GRM8: variants seen among roughly 807,000 people sequenced by gnomAD.
GRM8 encodes the protein glutamate metabotropic receptor 8.
Under a neutral mutation model 87.2 loss-of-function variants are expected in GRM8, and 47 were observed. The observed-to-expected ratio is 0.54, with a 90% CI of 0.43 to 0.69. The LOEUF is 0.69. Ranked by LOEUF, GRM8 falls within the 30% of genes least tolerant of loss-of-function variation. The pLI is 0.00. For missense variants in GRM8, 1,019 were observed against 1,139.2 expected (o/e 0.89, Z 1.52); for synonymous variants, 396 against 404.5 (o/e 0.98, Z 0.25).
At position 126,440,500 on chromosome 7, in the gene GRM8, G is replaced by A. The variant is rs138932771; in HGVS notation, c.2678-1332C>T. Among the ~76,000 whole-genome samples the A allele has an allele frequency of 4.6e-5, 7 of 151,504 alleles. No homozygotes were observed. The East Asian group carries it at 1.2e-3, about 25-fold the overall frequency. ...CCACTCATTCACTTAAAGATCCAGG[G>A]CAACTTCTAGTCCTACAAGCTCCAT... On this transcript the variant is annotated intron_variant, in intron 10 of 10. Coordinates refer to ENST00000339582, the MANE Select transcript of GRM8 (RefSeq NM_000845.3).
chr7:126,642,137 C>T (rs1003259565), intron 7 of GRM8, among the ~76,000 whole-genome samples: 1 of 152,136 alleles, frequency 6.6e-6, no homozygotes, highest in African/African-American at 2.4e-5. Context: ...GTTACTATAT[C>T]TCATTAGTCT....
At chr7:127,034,996 G>A (rs2237781) in intron 3 of GRM8, among the ~76,000 whole-genome samples, 8,492 of 152,170 alleles carry the variant, frequency 0.056, 285 homozygotes, top group South Asian at 0.13. Context: ...GGTCATAAAC[G>A]AAAGCAGCTC....
intron 6 of GRM8, among the ~76,000 whole-genome samples, chr7:126,825,877 C>A (rs958457790): frequency 5.3e-5 from 8 of 150,338 alleles, no homozygotes; most frequent in Admixed American, 2.7e-4. Context: ...CACCTCCCCC[C>A]ACCCCACAAC....
At chr7:126,756,788 C>T (rs1464251249) in intron 7 of GRM8, among the ~76,000 whole-genome samples, 3 of 152,020 alleles carry the variant, frequency 2.0e-5, no homozygotes, top group African/African-American at 7.2e-5. Context: ...GGATAGAGGA[C>T]TTTTAGGTCA....
At chr7:127,185,326 G>A (rs949393462) in intron 2 of GRM8, among the ~76,000 whole-genome samples, 12 of 151,878 alleles carry the variant, frequency 7.9e-5, no homozygotes, top group African/African-American at 2.7e-4. Flanking sequence ...ATAATCAACT[G>A]CTCTTTGACA....
chr7:127,245,275 G>A lies in GRM8; in HGVS notation c.-311-1760C>T, dbSNP rs141002185. Among the ~76,000 whole-genome samples, 1,040 of 152,344 alleles carry A rather than the reference G, an allele frequency of 6.8e-3. 11 individuals are homozygous for A. The highest frequency in any genetic ancestry group is 0.019 in the South Asian group (93 of 4,822). Reference sequence around the variant, plus strand: ...AAAACCTCATTAACTCTGATCACTAGTTGAGAATTTGAGACCAATTCCACG... The same window carrying A: ...AAAACCTCATTAACTCTGATCACTAATTGAGAATTTGAGACCAATTCCACG... On this transcript the variant is annotated intron_variant, in intron 1 of 10. Coordinates refer to ENST00000339582, the MANE Select transcript of GRM8 (RefSeq NM_000845.3).
intron 7 of GRM8, among the ~76,000 whole-genome samples, chr7:126,743,231 A>G (rs1815216704): frequency 6.6e-6 from 1 of 152,170 alleles, no homozygotes; most frequent in Non-Finnish European, 1.5e-5. Flanking sequence ...GAAAGGATAC[A>G]ACTGATTGGC....
chr7:127,045,012 G>A (rs1818794133), intron 3 of GRM8, among the ~76,000 whole-genome samples: 1 of 152,024 alleles, frequency 6.6e-6, no homozygotes, highest in African/African-American at 2.4e-5. Context: ...TTTCTCCTCA[G>A]AAACAGCCAC....
chr7:127,194,646 C>T (rs1273253358), intron 2 of GRM8, among the ~76,000 whole-genome samples: 1 of 152,068 alleles, frequency 6.6e-6, no homozygotes, highest in Non-Finnish European at 1.5e-5. Flanking sequence ...AATGTTTAAT[C>T]CGTAAGAAGT....
At chr7:126,748,182 A>G (rs1485388880) in intron 7 of GRM8, among the ~76,000 whole-genome samples, 1 of 152,084 alleles carries the variant, frequency 6.6e-6, no homozygotes, top group Non-Finnish European at 1.5e-5. Context: ...TAGGAAGAAG[A>G]ATTAAACATC....
At chr7:126,599,434 A>G (rs923896070) in intron 8 of GRM8, among the ~76,000 whole-genome samples, 10 of 152,096 alleles carry the variant, frequency 6.6e-5, no homozygotes, top group African/African-American at 2.4e-4. Flanking sequence ...TGTAAAGATA[A>G]CAGTGCTTTA....
At chr7:126,542,513 A>T (rs145442480) in intron 8 of GRM8, among the ~76,000 whole-genome samples, 2 of 152,342 alleles carry the variant, frequency 1.3e-5, no homozygotes, top group African/African-American at 4.8e-5. Context: ...GGGAGGTGAG[A>T]CTGCCTTGAA....
intron 8 of GRM8, among the ~76,000 whole-genome samples, chr7:126,606,528 G>T (rs893740186): frequency 2.6e-5 from 4 of 152,098 alleles, no homozygotes; most frequent in Non-Finnish European, 5.9e-5. Context: ...TTGGTAGCTT[G>T]CCAAGCACTC....
chr7:126,608,915 C>A (rs1423199253), intron 8 of GRM8, among the ~76,000 whole-genome samples: 1 of 152,084 alleles, frequency 6.6e-6, no homozygotes, highest in Non-Finnish European at 1.5e-5. Flanking sequence ...AAGCACCCAC[C>A]ACCACCCCTG....
chr7:126,989,086 C>G (rs971740526), intron 3 of GRM8, among the ~76,000 whole-genome samples: 1 of 152,146 alleles, frequency 6.6e-6, no homozygotes, highest in Non-Finnish European at 1.5e-5. Context: ...GTAAAAATTT[C>G]CAGAGGGACC....
intron 3 of GRM8, among the ~76,000 whole-genome samples, chr7:126,965,785 C>G (rs1200996298): frequency 1.3e-5 from 2 of 152,094 alleles, no homozygotes; most frequent in African/African-American, 4.8e-5. Context: ...TGACCCCACA[C>G]TCTGAGTCAC....
intron 3 of GRM8, among the ~76,000 whole-genome samples, chr7:127,037,491 C>T (rs892563155): frequency 1.3e-5 from 2 of 152,206 alleles, no homozygotes; most frequent in Admixed American, 1.3e-4. Flanking sequence ...GCTGGTCCCT[C>T]TTGCTCTGTT....
At chr7:126,444,032 A>T (rs7797614) in intron 10 of GRM8, among the ~76,000 whole-genome samples, 119,656 of 151,668 alleles carry the variant, frequency 0.79, 47,224 homozygotes, top group Middle Eastern at 0.92. Flanking sequence ...TTGGTTCTTT[A>T]ATTTGGCAAC....
chr7:126,903,775 GTATA>G (rs544721638), intron 5 of GRM8, among the ~76,000 whole-genome samples, 193 bp downstream of exon 5: 2,275 of 87,614 alleles, frequency 0.026, 154 homozygotes, highest in African/African-American at 0.093. Flanking sequence ...ATGTGTGTGT[GTATA>G]TATATATATA....
Sources: allele counts gnomAD v4.1 joint callset (sites outside exome capture counted in the v4.1 genomes callset), GRCh38; gene constraint gnomAD v4.1.1; transcripts MANE v1.5; gene names NCBI Gene and HGNC (gene_info 2026-07-23, HGNC 2026-07-21).